Variants in ATRNL1 observed in about 807,000 individuals in gnomAD.
ATRNL1 encodes attractin like 1, also known as attractin-like protein 1.
Under a neutral mutation model 182.7 loss-of-function variants are expected in ATRNL1, and 95 were observed. The observed-to-expected ratio is 0.52, with a 90% CI of 0.44 to 0.62. The LOEUF is 0.62. Among genes scored for constraint, ATRNL1 ranks in the 20% least tolerant of loss-of-function variants. The pLI is 0.00. For missense variants in ATRNL1, 1,471 were observed against 1,679.5 expected (o/e 0.88, Z 2.17); for synonymous variants, 576 against 568.3 (o/e 1.01, Z -0.19).
chr10:115,491,073 G>A (rs774813358), intron 24 of ATRNL1, among the ~76,000 whole-genome samples: 4 of 152,168 alleles, frequency 2.6e-5, no homozygotes, highest in Admixed American at 2.0e-4. Flanking sequence ...CAGCAAAACA[G>A]CAAAGATTGC....
chr10:115,589,538 C>G (rs1396456906), intron 26 of ATRNL1, among the ~76,000 whole-genome samples: 1 of 152,110 alleles, frequency 6.6e-6, no homozygotes, highest in Admixed American at 6.6e-5. Flanking sequence ...CTTAAATTCT[C>G]ATTGTACAAA....
chr10:115,663,724 G>T (rs1365354695), intron 26 of ATRNL1, among the ~76,000 whole-genome samples: 1 of 151,970 alleles, frequency 6.6e-6, no homozygotes, highest in African/African-American at 2.4e-5. Context: ...ACTAAACATG[G>T]ATGGATGCCA....
At position 115,945,007 on chromosome 10, in the gene ATRNL1, T is replaced by C. The variant is rs887907487; in HGVS notation, c.*228T>C. 1 of 340,954 alleles carries C rather than the reference T, an allele frequency of 2.9e-6. No homozygotes were observed. The allele number at this position is 340,954 out of a possible 1,614,324, so 21.1% of individuals were successfully genotyped here. On this transcript the variant is annotated 3_prime_UTR_variant, in exon 29 of 29. Coordinates refer to ENST00000355044, the MANE Select transcript of ATRNL1 (RefSeq NM_207303.4). ...GTCAGTTTTTACCACTATCTTAGGC[T>C]TATTATAGCTAACATTAAATTACTC...
intron 27 of ATRNL1, among the ~76,000 whole-genome samples, chr10:115,790,256 G>GAA (rs10551374): frequency 4.8e-4 from 69 of 143,198 alleles, no homozygotes; most frequent in Non-Finnish European, 6.3e-4. Flanking sequence ...AGTTTAAAAA[G>GAA]AAAAAAAAAA....
intron 26 of ATRNL1, among the ~76,000 whole-genome samples, chr10:115,666,492 G>C (rs538858803): frequency 6.6e-6 from 1 of 152,024 alleles, no homozygotes; most frequent in Admixed American, 6.6e-5. Flanking sequence ...AATTAAAATA[G>C]AGTTCAGACT....
intron 24 of ATRNL1, among the ~76,000 whole-genome samples, chr10:115,495,515 G>A (rs782237904): frequency 1.3e-5 from 2 of 151,978 alleles, no homozygotes; most frequent in Non-Finnish European, 2.9e-5. Flanking sequence ...CTGGTGTTTT[G>A]CATCTTTGTT....
At chr10:115,753,478 A>C (rs1948505070) in intron 27 of ATRNL1, among the ~76,000 whole-genome samples, 1 of 152,132 alleles carries the variant, frequency 6.6e-6, no homozygotes, top group Non-Finnish European at 1.5e-5. Context: ...TTCCGGCTTC[A>C]TCCATGTCCC....
intron 26 of ATRNL1, among the ~76,000 whole-genome samples, chr10:115,590,881 G>A (rs113746484): frequency 1.2e-4 from 18 of 152,264 alleles, no homozygotes; most frequent in African/African-American, 4.3e-4. Context: ...TCCTGTGTGA[G>A]TGGCAAATCT....
intron 10 of ATRNL1, among the ~76,000 whole-genome samples, chr10:115,253,814 T>C (rs553947473): frequency 3.0e-4 from 45 of 151,844 alleles, no homozygotes; most frequent in Middle Eastern, 6.8e-3. Flanking sequence ...ACAGGCCCCA[T>C]TGTGTGATGT....
chr10:115,384,757 G>A (rs781799793), intron 19 of ATRNL1, among the ~76,000 whole-genome samples: 4 of 151,644 alleles, frequency 2.6e-5, no homozygotes, highest in Non-Finnish European at 5.9e-5. Flanking sequence ...GATGATCCTT[G>A]CTGCAGACTG....
In ATRNL1 at chr10:115,266,994, C is replaced by T; in HGVS notation, c.1970C>T (p.Pro657Leu). The T allele has an allele frequency of 1.3e-6, 2 of 1,598,676 alleles. No homozygotes were observed. The highest frequency in any genetic ancestry group is 1.7e-6 in the Non-Finnish European group (2 of 1,170,654). The change falls in exon 12 of 29, where the codon CCT becomes CTT. Residue 657 changes from proline to leucine, a missense_variant. This residue lies in a region of ATRNL1 where 1,031 missense variants were observed against 1,156.0 expected (regional missense o/e 0.89). Transcript: ENST00000355044. ...NTNNILRAKCPPKTAASDDRC... is the reference protein window; with the variant it reads ...NTNNILRAKCLPKTAASDDRC... The stretch of plus-strand genomic sequence containing the variant: ...AATAATATTCTTAGAGCAAAGTGCC[C>T]TCCTAAAACAGGTAAATTTCTTTTT...
At chr10:115,568,422 C>T (rs1391724253) in intron 26 of ATRNL1, among the ~76,000 whole-genome samples, 2 of 151,848 alleles carry the variant, frequency 1.3e-5, no homozygotes, top group African/African-American at 2.4e-5. Context: ...GTTCTTTTTG[C>T]TTTATTAAAG....
At chr10:115,883,100 T>C (rs1555109000) in intron 28 of ATRNL1, among the ~76,000 whole-genome samples, 1 of 152,208 alleles carries the variant, frequency 6.6e-6, no homozygotes, top group African/African-American at 2.4e-5. Flanking sequence ...GCACCAGCGC[T>C]GGGCAGGGCT....
At chr10:115,591,288 C>A (rs1370822353) in intron 26 of ATRNL1, among the ~76,000 whole-genome samples, 1 of 152,112 alleles carries the variant, frequency 6.6e-6, no homozygotes, top group Non-Finnish European at 1.5e-5. Context: ...TCAGATATAT[C>A]CTGCACAGAA....
At chr10:115,518,526 C>G (rs1554984404) in intron 24 of ATRNL1, among the ~76,000 whole-genome samples, 1 of 151,734 alleles carries the variant, frequency 6.6e-6, no homozygotes, top group Non-Finnish European at 1.5e-5. Flanking sequence ...AATTTCTATT[C>G]AGTTAGATTT....
chr10:115,461,013 AATAT>A (rs1847770172), intron 21 of ATRNL1, among the ~76,000 whole-genome samples: 2 of 152,126 alleles, frequency 1.3e-5, no homozygotes, highest in South Asian at 4.1e-4. Context: ...TTATACAATA[AATAT>A]ATAGGTTGAA....
At chr10:115,416,763 A>T (rs1433944568) in intron 20 of ATRNL1, among the ~76,000 whole-genome samples, 2 of 152,230 alleles carry the variant, frequency 1.3e-5, no homozygotes, top group Admixed American at 6.5e-5. Flanking sequence ...AGTTCAATAT[A>T]TGATTATGTA....
chr10:115,700,783 G>A (rs566212901), intron 26 of ATRNL1, among the ~76,000 whole-genome samples: 5 of 152,096 alleles, frequency 3.3e-5, no homozygotes, highest in East Asian at 1.9e-4. Context: ...TGCACTCAAC[G>A]TTGGAGCACC....
chr10:115,462,117 C>A, intron 22 of ATRNL1, 82 bp downstream of exon 22: 1 of 940,466 alleles, frequency 1.1e-6, no homozygotes, highest in Non-Finnish European at 1.6e-6. Flanking sequence ...TACCTCTTCT[C>A]AGAATTATCA....
Sources: gnomAD v4.1 joint callset for allele counts (sites outside exome capture counted in the v4.1 genomes callset) on GRCh38, gnomAD v4.1.1 for gene constraint, gnomAD v4.1.1 regional missense constraint, MANE v1.5 for transcripts, NCBI Gene and HGNC (gene_info 2026-07-23, HGNC 2026-07-21) for gene names.